ITIH6: variants seen among roughly 807,000 people sequenced by gnomAD.
ITIH6 encodes the protein inter-alpha-trypsin inhibitor heavy chain family member 6, also known as inter-alpha-trypsin inhibitor heavy chain H6.
In ITIH6, 60 loss-of-function variants were observed where a neutral mutation model predicts 58.2. The ratio of observed to expected loss-of-function variants is 1.03; its 90% confidence interval spans 0.84 to 1.28. The LOEUF (loss-of-function observed/expected upper bound fraction) is 1.28, where lower values mean the gene tolerates loss of function less well. Ranked by LOEUF, ITIH6 falls within the 50% of genes most tolerant of loss-of-function variation. The pLI is 0.00. For synonymous variants in ITIH6, 493 were observed against 417.4 expected (o/e 1.18, Z -2.21); for missense variants, 1,290 against 1,021.1 (o/e 1.26, Z -3.59).
intron 4 of ITIH6, among the ~76,000 whole-genome samples, chrX:54,789,217 T>A (rs1416074613): frequency 9.0e-6 from 1 of 111,714 alleles, no homozygotes; most frequent in Non-Finnish European, 1.9e-5. Flanking sequence ...CCTTTTAGAG[T>A]CTCATGAAAT....
intron 5 of ITIH6, among the ~76,000 whole-genome samples, chrX:54,779,436 T>C: frequency 8.9e-6 from 1 of 111,925 alleles, no homozygotes; most frequent in Admixed American, 9.5e-5. Context: ...TTTTTGTTTG[T>C]TTGTTAGTGC....
chrX:54,797,054 G>A lies in ITIH6; in HGVS notation c.145C>T (p.Arg49Cys), dbSNP rs148051323. 5.0e-6 allele frequency: 6 copies of A among 1,210,234 alleles called. No homozygotes were observed. Among genetic ancestry groups the A allele is most frequent in the Non-Finnish European group, 5.6e-6 (5 of 894,276 alleles). ...GAGGTGACCAAGGTGTGGGCATAGC[G>A]AGACACCACCGTGGAGCGCATAGAA... ...SYSMRSTVVS[R>C]YAHTLVTSVL... The change falls in exon 2 of 13, where the codon CGC becomes TGC. Residue 49 changes from arginine to cysteine, a missense_variant. Coordinates refer to ENST00000218436, the MANE Select transcript of ITIH6 (RefSeq NM_198510.3).
chrX:54,750,521 G>A (rs1235187467), intron 12 of ITIH6, among the ~76,000 whole-genome samples: 1 of 111,512 alleles, frequency 9.0e-6, no homozygotes, highest in Non-Finnish European at 1.9e-5. Flanking sequence ...CTTCATAGCA[G>A]TCTCCAGAGG....
intron 12 of ITIH6, among the ~76,000 whole-genome samples, chrX:54,750,536 T>G (rs921338830): frequency 1.8e-5 from 2 of 111,730 alleles, no homozygotes; most frequent in East Asian, 5.6e-4. Context: ...CAGAGGGATC[T>G]TTGTAACACC....
At chrX:54,762,025 G>A (rs1178466004) in intron 6 of ITIH6, among the ~76,000 whole-genome samples, 1 of 111,544 alleles carries the variant, frequency 9.0e-6, no homozygotes, top group African/African-American at 3.3e-5. Flanking sequence ...AAATTACCTT[G>A]GGCAGTATGG....
At chrX:54,774,474 T>C (rs1325625520) in intron 5 of ITIH6, among the ~76,000 whole-genome samples, 1 of 113,170 alleles carries the variant, frequency 8.8e-6, no homozygotes, top group African/African-American at 3.2e-5. Flanking sequence ...TCAGGATCTC[T>C]GTAATATGTG....
chrX:54,755,055 C>T lies in ITIH6; in HGVS notation c.3164G>A (p.Ser1055Asn). 1 of 1,210,931 alleles carries T rather than the reference C, an allele frequency of 8.3e-7. No individual in the cohort carries two copies. Among genetic ancestry groups the T allele is most frequent in the Non-Finnish European group, 1.1e-6 (1 of 894,724 alleles). Residue 1055 changes from serine to asparagine, a missense_variant, in exon 9 of 13, where the codon AGC becomes AAC. Coordinates refer to ENST00000218436, the MANE Select transcript of ITIH6 (RefSeq NM_198510.3). Reference sequence around the variant, plus strand: ...CACAGAACTTCCTTGAGATTCCATGCTGCCTCCAGCTCCTCCCAGGATCTC... The same window carrying T: ...CACAGAACTTCCTTGAGATTCCATGTTGCCTCCAGCTCCTCCCAGGATCTC... ...SEEILGGAGG[S>N]MESQGSSVGL...
chrX:54,793,254 G>A (rs182886694), intron 2 of ITIH6, among the ~76,000 whole-genome samples: 14 of 111,548 alleles, frequency 1.3e-4, no homozygotes, highest in East Asian at 8.4e-4. Flanking sequence ...AAAATGATGA[G>A]TTCATGTCCT....
chrX:54,751,540 A>G (rs1168811192), intron 11 of ITIH6, among the ~76,000 whole-genome samples, 160 bp from the exon 12 acceptor site: 1 of 112,017 alleles, frequency 8.9e-6, no homozygotes, highest in Non-Finnish European at 1.9e-5. Flanking sequence ...CTCCTTCCTG[A>G]GCAGTGTGTG....
chrX:54,770,489 T>G (rs781629173), intron 6 of ITIH6, among the ~76,000 whole-genome samples: 12 of 112,918 alleles, frequency 1.1e-4, no homozygotes, highest in Non-Finnish European at 1.7e-4. Flanking sequence ...CCGTTTTATC[T>G]TATCTCTTAG....
Position 54,757,055 on chromosome X carries a change from C to G in ITIH6, c.3019G>C (p.Glu1007Gln). ...ISLLLLPEEL[E>Q]LLSESMVESK... is the part of the protein sequence containing the mutation. ...TCCACCATTGATTCAGACAGCAGCT[C>G]TAGCTCCTCAGGGAGAAGGAGCAGA... is the stretch of plus-strand genomic sequence containing the variant. Residue 1007 changes from glutamate to glutamine, a missense_variant, in exon 8 of 13, where the codon GAG becomes CAG. Physicochemically the swap from Glu to Gln is conservative, Grantham distance 29 (BLOSUM62 2). Transcript: ENST00000218436. 5.0e-6 allele frequency: 6 copies of G among 1,211,178 alleles called. No individual in the cohort carries two copies. The highest frequency in any genetic ancestry group is 6.7e-6 in the Non-Finnish European group (6 of 895,112).
chrX:54,789,189 A>G (rs1444171635), intron 4 of ITIH6, among the ~76,000 whole-genome samples: 3 of 112,133 alleles, frequency 2.7e-5, no homozygotes, highest in Non-Finnish European at 5.6e-5. Flanking sequence ...GACTCTGGGC[A>G]TCATGTGTGT....
chrX:54,760,749 C>A (rs1928621755), intron 6 of ITIH6, among the ~76,000 whole-genome samples: 1 of 111,123 alleles, frequency 9.0e-6, no homozygotes, highest in Admixed American at 9.5e-5. Flanking sequence ...CATCCATGTC[C>A]CTACAAAGGA....
chrX:54,794,184 G>T (rs1235490088), intron 2 of ITIH6, among the ~76,000 whole-genome samples: 3 of 109,765 alleles, frequency 2.7e-5, no homozygotes, highest in Non-Finnish European at 3.8e-5. Flanking sequence ...CCTCCCCAAG[G>T]TCTCCTGGGG....
chrX:54,762,281 T>C (rs1057084005), intron 6 of ITIH6, among the ~76,000 whole-genome samples: 1 of 111,742 alleles, frequency 8.9e-6, no homozygotes, highest in Non-Finnish European at 1.9e-5. Context: ...TTTTTGCACA[T>C]TGATTTTGTA....
intron 2 of ITIH6, among the ~76,000 whole-genome samples, chrX:54,794,218 G>T (rs1486550081): frequency 9.0e-6 from 1 of 110,747 alleles, no homozygotes; most frequent in African/African-American, 3.3e-5. Flanking sequence ...GGGTGGAGCT[G>T]GTCTGGCAGC....
chrX:54,761,586 C>G (rs962203919), intron 6 of ITIH6, among the ~76,000 whole-genome samples: 7 of 111,641 alleles, frequency 6.3e-5, no homozygotes, highest in African/African-American at 2.3e-4. Context: ...ACATTTAAGT[C>G]TTTAATCCGT....
chrX:54,784,513 A>C (rs1193382702), intron 5 of ITIH6, among the ~76,000 whole-genome samples: 1 of 112,193 alleles, frequency 8.9e-6, no homozygotes, highest in Non-Finnish European at 1.9e-5. Context: ...CTAAAAATCC[A>C]ATCAAAAAAG....
At chrX:54,777,135 G>A (rs1929067003) in intron 5 of ITIH6, among the ~76,000 whole-genome samples, 1 of 112,303 alleles carries the variant, frequency 8.9e-6, no homozygotes, top group African/African-American at 3.2e-5. Flanking sequence ...AGAACCTTTG[G>A]GCCTTAAGGG....
Sources: allele counts gnomAD v4.1 joint callset (sites outside exome capture counted in the v4.1 genomes callset), GRCh38; gene constraint gnomAD v4.1.1; transcripts MANE v1.5; gene names NCBI Gene and HGNC (gene_info 2026-07-23, HGNC 2026-07-21).